Variants in SDK1 observed in about 807,000 individuals in gnomAD.
The protein encoded by SDK1 is sidekick cell adhesion molecule 1, also known as protein sidekick-1.
SDK1 carries 157 observed loss-of-function variants against 245.5 expected under a neutral mutation model. The ratio of observed to expected loss-of-function variants is 0.64; its 90% CI spans 0.56 to 0.73. The LOEUF is 0.73. Ranked by LOEUF, SDK1 falls within the 30% of genes least tolerant of loss-of-function variation. The pLI, the probability that SDK1 is intolerant of heterozygous loss-of-function variation, is 0.00. For synonymous variants in SDK1, 1,647 were observed against 1,278.5 expected, an observed-to-expected ratio of 1.29 and a Z score of -6.15; for missense variants, 3,583 against 3,002.3, an observed-to-expected ratio of 1.19 and a Z score of -4.52.
intron 5 of SDK1, among the ~76,000 whole-genome samples, chr7:3,947,838 A>G (rs1263759456): frequency 6.6e-6 from 1 of 152,162 alleles, no homozygotes; most frequent in Non-Finnish European, 1.5e-5. Context: ...GGCTAAAAAC[A>G]AGACATAGCA....
At chr7:3,925,269 A>T (rs1028657836) in intron 5 of SDK1, among the ~76,000 whole-genome samples, 1 of 152,196 alleles carries the variant, frequency 6.6e-6, no homozygotes, top group African/African-American at 2.4e-5. Context: ...ACCTTTGATA[A>T]GCTGAGAACT....
At chr7:3,684,437 A>C (rs1232434290) in intron 4 of SDK1, among the ~76,000 whole-genome samples, 5 of 152,344 alleles carry the variant, frequency 3.3e-5, no homozygotes, top group African/African-American at 9.6e-5. Context: ...CCCTTTTGCC[A>C]TGATAGTGTT....
At position 4,065,457 on chromosome 7, in the gene SDK1, C is replaced by CGCTG. The variant is rs1554328320; in HGVS notation, c.2912-2381_2912-2380insGCTG. ...TGGGCAGGAATCCAGGAAGCAGAAA[C>CGCTG]ATAATATAAAAGGAGCAAAAAGGTT... On this transcript the variant is annotated intron_variant, in intron 19 of 44. Coordinates refer to ENST00000404826, the MANE Select transcript of SDK1 (RefSeq NM_152744.4). 2.1e-4 allele frequency among the ~76,000 whole-genome samples: 19 copies of CGCTG among 89,014 alleles called. No individual in the cohort carries two copies. The African/African-American group carries it at 2.2e-3, about 10-fold the overall frequency. 58.4% of individuals were successfully genotyped at this position (89,014 alleles called of 152,430 possible).
At chr7:3,917,912 T>G (rs746766221) in intron 5 of SDK1, among the ~76,000 whole-genome samples, 3 of 152,124 alleles carry the variant, frequency 2.0e-5, no homozygotes, top group Non-Finnish European at 4.4e-5. Context: ...ATGGGAAGAT[T>G]TGGGGCTCAG....
At chr7:3,978,687 C>A (rs893649033) in intron 13 of SDK1, among the ~76,000 whole-genome samples, 2 of 152,140 alleles carry the variant, frequency 1.3e-5, no homozygotes, top group African/African-American at 2.4e-5. Context: ...GCATTCTGTC[C>A]TTCTTGGGTA....
intron 1 of SDK1, among the ~76,000 whole-genome samples, chr7:3,357,260 TCA>T (rs1780823725): frequency 6.7e-6 from 1 of 148,998 alleles, no homozygotes; most frequent in African/African-American, 2.5e-5. Flanking sequence ...ATGTGCACAC[TCA>T]CAGTCTTAAG....
intron 28 of SDK1, among the ~76,000 whole-genome samples, chr7:4,139,189 C>CG (rs921428871): frequency 3.3e-5 from 5 of 152,138 alleles, no homozygotes; most frequent in East Asian, 1.9e-4. Flanking sequence ...TACCCACCCC[C>CG]CATTTCCTGG....
At position 4,139,535 on chromosome 7, in the gene SDK1, GTATA is replaced by G. The variant is rs767048205; in HGVS notation, c.4229-6183_4229-6180del. On this transcript the variant is annotated intron_variant, in intron 28 of 44. Coordinates refer to ENST00000404826, the MANE Select transcript of SDK1 (RefSeq NM_152744.4). Reference sequence around the variant, plus strand: ...TATATATGTGTGTGTATGTGTGTGTGTATATATGTGTGTGTATATGTATATATGT... The same window carrying G: ...TATATATGTGTGTGTATGTGTGTGTGTATGTGTGTGTATATGTATATATGT... Among the ~76,000 whole-genome samples, 13 of 9,820 alleles carry G rather than the reference GTATA, an allele frequency of 1.3e-3. 1 individual carries two copies. Among genetic ancestry groups the G allele is most frequent in the African/African-American group, 3.1e-3 (12 of 3,826 alleles). The allele number at this position is 9,820 out of a possible 152,430, so 6.4% of individuals were successfully genotyped here. A position where few individuals can be genotyped will look rare whatever the true frequency, so the allele number is the denominator to read the frequency against.
chr7:4,251,895 A>G (rs926805856), intron 44 of SDK1, among the ~76,000 whole-genome samples: 1 of 152,152 alleles, frequency 6.6e-6, no homozygotes, highest in Non-Finnish European at 1.5e-5. Context: ...TGTTTTTATT[A>G]TCGAAAGGTT....
At chr7:3,611,658 C>G (rs1181918443) in intron 1 of SDK1, among the ~76,000 whole-genome samples, 3 of 152,118 alleles carry the variant, frequency 2.0e-5, no homozygotes, top group Admixed American at 6.5e-5. Flanking sequence ...GTTTACATTC[C>G]TAGCAGCAGT....
chr7:3,486,726 T>C (rs542011606), intron 1 of SDK1, among the ~76,000 whole-genome samples: 2 of 152,274 alleles, frequency 1.3e-5, no homozygotes, highest in South Asian at 4.1e-4. Flanking sequence ...TTTAGCCACG[T>C]TTTAATTTTA....
At chr7:3,736,647 C>T (rs1779325633) in intron 4 of SDK1, among the ~76,000 whole-genome samples, 1 of 152,106 alleles carries the variant, frequency 6.6e-6, no homozygotes, top group Admixed American at 6.5e-5. Flanking sequence ...TTTTTCTAAG[C>T]TTTACTGAGG....
intron 44 of SDK1, among the ~76,000 whole-genome samples, chr7:4,251,210 T>G (rs1403172073): frequency 6.6e-6 from 1 of 152,234 alleles, no homozygotes; most frequent in Admixed American, 6.5e-5. Flanking sequence ...CATTTGAGTT[T>G]GTTGTGTCTG....
chr7:4,150,919 G>A (rs1041099738), intron 30 of SDK1, among the ~76,000 whole-genome samples: 1 of 152,262 alleles, frequency 6.6e-6, no homozygotes, highest in East Asian at 1.9e-4. Flanking sequence ...CTGTGAAGCT[G>A]GAACTGTGCA....
Position 4,267,028 on chromosome 7 carries a change from G to A in SDK1, c.*1644G>A, listed in dbSNP as rs1476199101. The A allele has an allele frequency of 1.0e-6, 1 of 985,598 alleles. No homozygotes were observed. Among genetic ancestry groups the A allele is most frequent in the Non-Finnish European group, 1.2e-6 (1 of 830,048 alleles). 61.1% of individuals were successfully genotyped at this position (985,598 alleles called of 1,614,324 possible). A position where few individuals can be genotyped will look rare whatever the true frequency, so the allele number is the denominator to read the frequency against. On this transcript the variant is annotated 3_prime_UTR_variant, in exon 45 of 45. Coordinates refer to ENST00000404826, the MANE Select transcript of SDK1 (RefSeq NM_152744.4). ...CTAGATGTTTTGTGCACCTCCATGGGCAGAGGGTGTGGATATTGCCTGGAT... is the reference window on the plus strand; with the variant it reads ...CTAGATGTTTTGTGCACCTCCATGGACAGAGGGTGTGGATATTGCCTGGAT...
chr7:3,412,836 A>G (rs1403939729), intron 1 of SDK1, among the ~76,000 whole-genome samples: 10 of 152,204 alleles, frequency 6.6e-5, no homozygotes, highest in Non-Finnish European at 1.2e-4. Flanking sequence ...TGACCTTCCT[A>G]ATGCATATTA....
intron 2 of SDK1, among the ~76,000 whole-genome samples, chr7:3,635,534 CTT>C (rs1392414701): frequency 6.6e-6 from 1 of 152,176 alleles, no homozygotes; most frequent in East Asian, 1.9e-4. Flanking sequence ...GTAGCATACA[CTT>C]TGTCTTTTAC....
chr7:3,913,459 A>G (rs1205230506), intron 5 of SDK1, among the ~76,000 whole-genome samples: 1 of 152,008 alleles, frequency 6.6e-6, no homozygotes, highest in Non-Finnish European at 1.5e-5. Flanking sequence ...ACGCCCAGCT[A>G]ATTTTTTGTA....
rs577545501 is a variant in SDK1, at chr7:4,046,929, G to A, written c.2603-2419G>A. Among the ~76,000 whole-genome samples, 9 of 152,068 alleles carry A rather than the reference G, an allele frequency of 5.9e-5. No individual in the cohort carries two copies. The East Asian group carries it at 1.3e-3, about 23-fold the overall frequency. ...TTATTCACTATATTGATTGGTTTGGGGAGAATTGACCTCTTTACTGTGTTT... is the reference window on the plus strand; with the variant it reads ...TTATTCACTATATTGATTGGTTTGGAGAGAATTGACCTCTTTACTGTGTTT... On this transcript the variant is annotated intron_variant, in intron 17 of 44. Coordinates refer to ENST00000404826, the MANE Select transcript of SDK1 (RefSeq NM_152744.4).
Sources: allele counts gnomAD v4.1 joint callset (sites outside exome capture counted in the v4.1 genomes callset), GRCh38; gene constraint gnomAD v4.1.1; transcripts MANE v1.5; gene names NCBI Gene and HGNC (gene_info 2026-07-23, HGNC 2026-07-21).